The following OSBPL9 variants were observed in gnomAD, a reference collection of about 807,000 sequenced individuals.
The protein encoded by OSBPL9 is oxysterol binding protein like 9.
OSBPL9 carries 40 observed loss-of-function variants against 106.6 expected under a neutral mutation model. The observed-to-expected ratio is 0.38, with a 90% confidence interval of 0.29 to 0.49. The LOEUF (loss-of-function observed/expected upper bound fraction) is 0.49. Ranked by LOEUF, OSBPL9 falls within the 20% of genes least tolerant of loss-of-function variation. OSBPL9 has a pLI of 0.97. For missense variants in OSBPL9, 609 were observed against 887.2 expected (o/e 0.69, Z 3.98); for synonymous variants, 269 against 295.4 (o/e 0.91, Z 0.92).
chr1:51,538,262 A>G, the OSBPL9 span, among the ~76,000 whole-genome samples: 1 of 152,232 alleles, frequency 6.6e-6, no homozygotes, highest in African/African-American at 2.4e-5. Flanking sequence ...ACTGCACTCC[A>G]GCCTGGGCAA....
At chr1:51,718,790 C>T in intron 4 of OSBPL9, among the ~76,000 whole-genome samples, 1 of 152,214 alleles carries the variant, frequency 6.6e-6, no homozygotes, top group Non-Finnish European at 1.5e-5. Flanking sequence ...CTGTTCCCTT[C>T]TTCATAAATG....
At chr1:51,667,903 A>G (rs1648900429) in intron 2 of OSBPL9, among the ~76,000 whole-genome samples, 1 of 152,226 alleles carries the variant, frequency 6.6e-6, no homozygotes, top group Non-Finnish European at 1.5e-5. Context: ...GAAAATGGAG[A>G]TAAAATTTCC....
At chr1:51,711,524 C>A in intron 3 of OSBPL9, among the ~76,000 whole-genome samples, 1 of 136,006 alleles carries the variant, frequency 7.4e-6, no homozygotes. Flanking sequence ...GACCCCCCAC[C>A]TCCCTCCCGG....
At chr1:51,562,656 G>A in the OSBPL9 span, among the ~76,000 whole-genome samples, 1,139 of 152,282 alleles carry the variant, frequency 7.5e-3, 9 homozygotes, top group African/African-American at 0.026. Context: ...GAAGCCAAGC[G>A]AGGTGGCAGG....
At chr1:51,709,224 G>T (rs561983643) in intron 3 of OSBPL9, 53 of 203,708 alleles carry the variant, frequency 2.6e-4, no homozygotes, top group Non-Finnish European at 4.5e-4. Flanking sequence ...CAAAGGCGTG[G>T]TGTGGTGGGC....
At chr1:51,566,594 C>T in the OSBPL9 span, 1 of 152,140 alleles carries the variant, frequency 6.6e-6, no homozygotes, top group Non-Finnish European at 1.5e-5. Flanking sequence ...TCTTTAGATC[C>T]CAAGCATTAA....
At chr1:51,642,159 C>T (rs1216763153) in intron 1 of OSBPL9, among the ~76,000 whole-genome samples, 3 of 152,106 alleles carry the variant, frequency 2.0e-5, no homozygotes, top group Non-Finnish European at 2.9e-5. Flanking sequence ...CTTCAAATTA[C>T]TGGCTGTTGA....
intron 9 of OSBPL9, chr1:51,759,709 G>A (rs1009393748): frequency 6.6e-6 from 1 of 152,152 alleles, no homozygotes; most frequent in African/African-American, 2.4e-5. Flanking sequence ...GCCCTATGGA[G>A]TTTTCTTTTT....
chr1:51,784,048 GACTACA>G, intron 18 of OSBPL9, 23 bp downstream of exon 18: 1 of 1,562,358 alleles, frequency 6.4e-7, no homozygotes, highest in Admixed American at 1.7e-5. Flanking sequence ...GCATTGGGTG[GACTACA>G]ATGTTATAGG....
At chr1:51,687,841 C>T (rs561157174) in intron 3 of OSBPL9, among the ~76,000 whole-genome samples, 5 of 152,294 alleles carry the variant, frequency 3.3e-5, no homozygotes, top group African/African-American at 1.2e-4. Context: ...AGGGAAGCCT[C>T]CTCGTCACAT....
chr1:51,637,326 AC>A (rs1645510706), intron 1 of OSBPL9, among the ~76,000 whole-genome samples: 1 of 152,114 alleles, frequency 6.6e-6, no homozygotes, highest in African/African-American at 2.4e-5. Flanking sequence ...CACCGTCTCT[AC>A]TAAAAATACA....
At chr1:51,650,438 C>T (rs1043255836) in intron 1 of OSBPL9, among the ~76,000 whole-genome samples, 3 of 152,056 alleles carry the variant, frequency 2.0e-5, no homozygotes, top group Admixed American at 6.5e-5. Context: ...AGTAAAAGGG[C>T]GACTAAATGC....
chr1:51,786,667 C>A (rs1289308688), intron 22 of OSBPL9, 50 bp downstream of exon 22: 1 of 1,492,216 alleles, frequency 6.7e-7, no homozygotes, highest in Non-Finnish European at 9.3e-7. Context: ...TTAAACTTTG[C>A]CTAGGCGTAG....
At chr1:51,752,177 G>A (rs574263359) in intron 8 of OSBPL9, among the ~76,000 whole-genome samples, 2 of 151,994 alleles carry the variant, frequency 1.3e-5, no homozygotes, top group South Asian at 4.2e-4. Flanking sequence ...CCCTTGCTTG[G>A]TCACACCATT....
chr1:51,534,749 T>C, the OSBPL9 span, among the ~76,000 whole-genome samples: 1 of 152,170 alleles, frequency 6.6e-6, no homozygotes, highest in African/African-American at 2.4e-5. Context: ...TATCAGAATC[T>C]CTCTCTTCAC....
intron 11 of OSBPL9, chr1:51,765,526 C>T (rs1672378988): frequency 5.2e-6 from 1 of 192,198 alleles, no homozygotes; most frequent in South Asian, 1.4e-4. Context: ...ACTTGCAACT[C>T]CACAACTCAT....
chr1:51,648,118 A>G (rs911995032), intron 1 of OSBPL9, among the ~76,000 whole-genome samples: 1 of 152,212 alleles, frequency 6.6e-6, no homozygotes, highest in African/African-American at 2.4e-5. Flanking sequence ...TTTGCTTGAA[A>G]AAGGACATTT....
chr1:51,645,595 TA>T (rs1646105637), intron 1 of OSBPL9, among the ~76,000 whole-genome samples: 1 of 152,008 alleles, frequency 6.6e-6, no homozygotes, highest in Non-Finnish European at 1.5e-5. Context: ...CCTCCTGCCT[TA>T]GTGTGATAGT....
At chr1:51,605,996 A>C (rs952560534) in intron 2 of OSBPL9, among the ~76,000 whole-genome samples, 2 of 151,540 alleles carry the variant, frequency 1.3e-5, no homozygotes, top group Non-Finnish European at 3.0e-5. Context: ...AGAGCGAGAG[A>C]GAGAGAGAGA....
Sources: gnomAD v4.1 joint callset for allele counts (sites outside exome capture counted in the v4.1 genomes callset) on GRCh38, gnomAD v4.1.1 for gene constraint, MANE v1.5 for transcripts, NCBI Gene and HGNC (gene_info 2026-07-23, HGNC 2026-07-21) for gene names.